The following FBXO42 variants were observed in gnomAD, a reference collection of about 807,000 sequenced individuals.
FBXO42 encodes the protein F-box only protein 42.
In FBXO42, 12 loss-of-function variants were observed where a neutral mutation model predicts 71.7. The ratio of observed to expected loss-of-function variants is 0.17; its 90% CI spans 0.11 to 0.27. The LOEUF is 0.27. Among genes scored for constraint, FBXO42 ranks in the 10% least tolerant of loss-of-function variants. FBXO42 has a pLI of 1.00. For synonymous variants in FBXO42, 325 were observed against 327.5 expected (o/e 0.99, Z 0.08); for missense variants, 707 against 911.9 (o/e 0.78, Z 2.89).
Position 16,333,119 on chromosome 1 carries a change from C to A in FBXO42, c.-17-17684G>T, listed in dbSNP as rs112358763. On this transcript the variant is annotated intron_variant, in intron 1 of 9. Transcript: ENST00000375592. ...GAGTTACCTCTTCTTGAGGTTCTAT[C>A]CCCTCCAGCCAATTAAGTATTCCTC... is the stretch of plus-strand genomic sequence containing the variant. Among the ~76,000 whole-genome samples, 784 of 152,226 alleles carry A rather than the reference C, an allele frequency of 5.2e-3. 9 individuals carry two copies. The highest frequency in any genetic ancestry group is 0.018 in the African/African-American group (748 of 41,532).
At chr1:16,333,436 AC>A (rs71574175) in intron 1 of FBXO42, among the ~76,000 whole-genome samples, 50,669 of 101,478 alleles carry the variant, frequency 0.5, 11,309 homozygotes, top group East Asian at 0.62. Context: ...AAATAGTGAG[AC>A]CCCCCCCCCC....
intron 4 of FBXO42, among the ~76,000 whole-genome samples, chr1:16,279,854 C>CTTTTTTTTCTTT (rs2081943370): frequency 7.2e-6 from 1 of 138,168 alleles, no homozygotes; most frequent in African/African-American, 2.7e-5. Context: ...TTTTTTTTTT[C>CTTTTTTTTCTTT]TTTTTTTTTT....
rs1557576961 is a variant in FBXO42, at chr1:16,270,711, G to GAAA, written c.503-13953_503-13952insTTT. ...AAAAAAAAAAAGAAAAGAAAAGAAA[G>GAAA]AAGAAAAGATAAATTCCAAATCCCT... On this transcript the variant is annotated intron_variant, in intron 4 of 9. Transcript: ENST00000375592. Among the ~76,000 whole-genome samples the GAAA allele has an allele frequency of 1.4e-4, 12 of 85,480 alleles. 1 individual carries two copies. Among genetic ancestry groups the GAAA allele is most frequent in the Admixed American group, 3.3e-4 (3 of 9,072 alleles). The allele number at this position is 85,480 out of a possible 152,430, so 56.1% of individuals were successfully genotyped here.
intron 4 of FBXO42, among the ~76,000 whole-genome samples, chr1:16,270,837 G>C (rs1274498460): frequency 1.3e-5 from 2 of 150,460 alleles, no homozygotes; most frequent in East Asian, 2.0e-4. Flanking sequence ...CCAGGTACTA[G>C]AGTCAGCAGT....
chr1:16,263,238 G>A (rs1162629028), intron 4 of FBXO42, among the ~76,000 whole-genome samples: 2 of 151,516 alleles, frequency 1.3e-5, no homozygotes, highest in Non-Finnish European at 2.9e-5. Context: ...TGAGGCGGGC[G>A]GATCACGAGG....
chr1:16,316,871 T>C (rs1229668177), intron 1 of FBXO42, among the ~76,000 whole-genome samples: 5 of 151,590 alleles, frequency 3.3e-5, no homozygotes, highest in Non-Finnish European at 1.5e-5. Context: ...TAGAACAACA[T>C]GAATGTCTAT....
intron 1 of FBXO42, among the ~76,000 whole-genome samples, chr1:16,338,127 C>T (rs2082569567): frequency 6.6e-6 from 1 of 151,202 alleles, no homozygotes; most frequent in Admixed American, 6.6e-5. Context: ...GGTGTGGTGG[C>T]AGGCGCCTGT....
At chr1:16,286,801 T>C (rs2082026478) in intron 4 of FBXO42, among the ~76,000 whole-genome samples, 1 of 152,196 alleles carries the variant, frequency 6.6e-6, no homozygotes, top group South Asian at 2.1e-4. Flanking sequence ...TAATGAAAAT[T>C]CCACCCTTTC....
chr1:16,345,481 T>C (rs756138652), intron 1 of FBXO42, among the ~76,000 whole-genome samples: 3 of 151,966 alleles, frequency 2.0e-5, no homozygotes, highest in Non-Finnish European at 4.4e-5. Context: ...TGAAAGGACC[T>C]AGAAACAATG....
intron 1 of FBXO42, among the ~76,000 whole-genome samples, chr1:16,340,867 G>A (rs2082597772): frequency 6.6e-6 from 1 of 152,136 alleles, no homozygotes; most frequent in Non-Finnish European, 1.5e-5. Flanking sequence ...GTGGCTTTAA[G>A]GTCATACAGC....
At chr1:16,263,668 A>G (rs984951704) in intron 4 of FBXO42, among the ~76,000 whole-genome samples, 1 of 151,438 alleles carries the variant, frequency 6.6e-6, no homozygotes, top group Non-Finnish European at 1.5e-5. Context: ...GGTTGCAGTG[A>G]GCCAAGATCG....
intron 2 of FBXO42, among the ~76,000 whole-genome samples, chr1:16,313,459 T>C (rs1417025173): frequency 6.6e-6 from 1 of 152,228 alleles, no homozygotes; most frequent in East Asian, 1.9e-4. Flanking sequence ...CCCTTACCTG[T>C]GGTTTTCCTC....
At chr1:16,293,833 C>G (rs1176546179) in intron 4 of FBXO42, 1 of 152,202 alleles carries the variant, frequency 6.6e-6, no homozygotes, top group Non-Finnish European at 1.5e-5. Flanking sequence ...CCACATTTCT[C>G]CCAGAGAAGT....
At chr1:16,266,695 A>G (rs1313888175) in intron 4 of FBXO42, among the ~76,000 whole-genome samples, 1 of 152,180 alleles carries the variant, frequency 6.6e-6, no homozygotes, top group Non-Finnish European at 1.5e-5. Context: ...TGATAAAACC[A>G]AAGCTGGGTC....
intron 2 of FBXO42, among the ~76,000 whole-genome samples, chr1:16,308,271 G>A (rs911340818): frequency 6.6e-6 from 1 of 152,020 alleles, no homozygotes; most frequent in African/African-American, 2.4e-5. Context: ...GTGAGCCACT[G>A]TGTCCAGCCT....
intron 1 of FBXO42, among the ~76,000 whole-genome samples, chr1:16,332,891 G>A (rs1047563227): frequency 6.6e-6 from 1 of 152,110 alleles, no homozygotes; most frequent in Non-Finnish European, 1.5e-5. Context: ...AGGCAATAGT[G>A]ACCAAAGCAT....
intron 4 of FBXO42, among the ~76,000 whole-genome samples, chr1:16,257,107 T>C (rs2081654409): frequency 1.3e-5 from 2 of 152,174 alleles, no homozygotes; most frequent in Admixed American, 1.3e-4. Flanking sequence ...GCCTGGCACA[T>C]AGAAAGTGCT....
At chr1:16,279,229 A>G (rs1309631440) in intron 4 of FBXO42, among the ~76,000 whole-genome samples, 1 of 152,206 alleles carries the variant, frequency 6.6e-6, no homozygotes, top group African/African-American at 2.4e-5. Flanking sequence ...AAGATTACTC[A>G]GTGATTTTGG....
intron 2 of FBXO42, among the ~76,000 whole-genome samples, chr1:16,308,188 C>T (rs34692029): frequency 0.27 from 41,353 of 152,020 alleles, 6,545 homozygotes; most frequent in Non-Finnish European, 0.37. Context: ...ACTATATTGT[C>T]CAGACTGGTC....
Sources: allele counts gnomAD v4.1 joint callset (sites outside exome capture counted in the v4.1 genomes callset), GRCh38; gene constraint gnomAD v4.1.1; transcripts MANE v1.5; gene names NCBI Gene and HGNC (gene_info 2026-07-23, HGNC 2026-07-21).